GPR37L1: variants seen among roughly 807,000 people sequenced by gnomAD.
GPR37L1 encodes the protein G protein-coupled receptor 37 like 1.
Under a neutral mutation model 18.0 loss-of-function variants are expected in GPR37L1, and 18 were observed. The observed-to-expected ratio is 1.00, with a 90% CI of 0.69 to 1.49. The LOEUF (loss-of-function observed/expected upper bound fraction) is 1.49, where lower values mean the gene tolerates loss of function less well. Ranked by LOEUF, GPR37L1 falls within the 40% of genes most tolerant of loss-of-function variation. GPR37L1 has a pLI of 0.00. For missense variants in GPR37L1, 558 were observed against 615.1 expected (o/e 0.91, Z 0.98); for synonymous variants, 256 against 273.9 (o/e 0.93, Z 0.65).
chr1:202,126,959 C>T (rs1473856106), intron 1 of GPR37L1, among the ~76,000 whole-genome samples: 1 of 151,940 alleles, frequency 6.6e-6, no homozygotes, highest in Non-Finnish European at 1.5e-5. Context: ...AGATCCAGAA[C>T]TTCTATGTCT....
chr1:202,124,368 C>T (rs1007112498), intron 1 of GPR37L1, among the ~76,000 whole-genome samples: 1 of 152,174 alleles, frequency 6.6e-6, no homozygotes, highest in Non-Finnish European at 1.5e-5. Flanking sequence ...ACCAGATGGT[C>T]CTTCCAGCTG....
chr1:202,131,318 C>A lies in GPR37L1; in HGVS notation c.*2762C>A, dbSNP rs1654847941. ...CCTATCCTGGAACTGAATGCAATTACTTAAACTCAGTCTCAGCTTCCTCAT... is the reference window on the plus strand; with the variant it reads ...CCTATCCTGGAACTGAATGCAATTAATTAAACTCAGTCTCAGCTTCCTCAT... On this transcript the variant is annotated 3_prime_UTR_variant, in exon 2 of 2. Coordinates refer to ENST00000367282, the MANE Select transcript of GPR37L1 (RefSeq NM_004767.5). 1 of 152,304 alleles carries A rather than the reference C, an allele frequency of 6.6e-6. No individual in the cohort carries two copies. Among genetic ancestry groups the A allele is most frequent in the Non-Finnish European group, 1.5e-5 (1 of 68,094 alleles). The allele number at this position is 152,304 out of a possible 1,614,324, so 9.4% of individuals were successfully genotyped here.
At position 202,128,299 on chromosome 1, in the gene GPR37L1, C is replaced by T. The variant is rs1168267215; in HGVS notation, c.1189C>T (p.Leu397=). 6.2e-7 allele frequency: 1 copy of T among 1,614,144 alleles called. No individual in the cohort carries two copies. Among genetic ancestry groups the T allele is most frequent in the South Asian group, 1.1e-5 (1 of 91,076 alleles). Residue 397 remains leucine, a synonymous_variant, in exon 2 of 2, where the codon CTG becomes TTG. Coordinates refer to ENST00000367282, the MANE Select transcript of GPR37L1 (RefSeq NM_004767.5). ...GCTGACCCGCCAGACCCTGGACCTCCTGGGCCTCATCAACCAGTTCTCCAC... is the reference window on the plus strand; with the variant it reads ...GCTGACCCGCCAGACCCTGGACCTCTTGGGCCTCATCAACCAGTTCTCCAC... ...TELTRQTLDL[L]GLINQFSTFF...
At position 202,123,180 on chromosome 1, in the gene GPR37L1, C is replaced by T. The variant is rs746759896; in HGVS notation, c.217C>T (p.Pro73Ser). ...GGCGGAGTACCCCCGGCCCATTCAC[C>T]CTGCTGGCCTGCAGCCAACCAAGCC... Reference protein sequence around the residue: ...EWAEYPRPIHPAGLQPTKPLV... With the variant: ...EWAEYPRPIHSAGLQPTKPLV... Residue 73 changes from proline to serine, a missense_variant, in exon 1 of 2, where the codon CCT becomes TCT. Transcript: ENST00000367282. 1.2e-6 allele frequency: 2 copies of T among 1,613,410 alleles called. No homozygotes were observed. The highest frequency in any genetic ancestry group is 1.7e-6 in the Non-Finnish European group (2 of 1,179,694).
chr1:202,126,866 T>TGC (rs1368693268), intron 1 of GPR37L1, among the ~76,000 whole-genome samples: 1 of 151,672 alleles, frequency 6.6e-6, no homozygotes, highest in Non-Finnish European at 1.5e-5. Flanking sequence ...TGTGTGTGTG[T>TGC]GTGCACGCGT....
rs1290607047 is a variant in GPR37L1 at position 202,130,807 on chromosome 1, G to C, written c.*2251G>C. On this transcript the variant is annotated 3_prime_UTR_variant, in exon 2 of 2. Coordinates refer to ENST00000367282, the MANE Select transcript of GPR37L1 (RefSeq NM_004767.5). The stretch of plus-strand genomic sequence containing the variant: ...CCAGCTTCCTAAGGGATGCAGGAAG[G>C]GGCCGGGTGAACTGAGGTGAAGTCC... 1 of 152,280 alleles carries C rather than the reference G, an allele frequency of 6.6e-6. No homozygotes were observed. Among genetic ancestry groups the C allele is most frequent in the Non-Finnish European group, 1.5e-5 (1 of 68,102 alleles). 9.4% of individuals were successfully genotyped at this position (152,280 alleles called of 1,614,324 possible). A position where few individuals can be genotyped will look rare whatever the true frequency, so the allele number is the denominator to read the frequency against.
At position 202,127,815 on chromosome 1, in the gene GPR37L1, C is replaced by T. The variant is rs767987803; in HGVS notation, c.705C>T (p.Thr235=). 6.2e-7 allele frequency: 1 copy of T among 1,613,274 alleles called. No individual in the cohort carries two copies. The highest frequency in any genetic ancestry group is 1.1e-5 in the South Asian group (1 of 90,954). ...ACCGCTTCCACGTGGCCACCAGCACCCTGCCCAAGGTGAGGCCCATCGAGC... is the reference window on the plus strand; with the variant it reads ...ACCGCTTCCACGTGGCCACCAGCACTCTGCCCAAGGTGAGGCCCATCGAGC... ...GIDRFHVATS[T]LPKVRPIERC... is the part of the protein sequence containing the mutation. Residue 235 remains threonine (T), a synonymous_variant, in exon 2 of 2, where the codon ACC becomes ACT. Coordinates refer to ENST00000367282, the MANE Select transcript of GPR37L1 (RefSeq NM_004767.5).
In GPR37L1 at chr1:202,127,428, C is replaced by G. The variant is rs554246466; in HGVS notation, c.631-313C>G. On this transcript the variant is annotated intron_variant, in intron 1 of 1. Coordinates refer to ENST00000367282, the MANE Select transcript of GPR37L1 (RefSeq NM_004767.5). ...CTCCTAGGCTCAAGCCATCCTCCTA[C>G]CTAAGTTTCCCGAGTAGTTGGGACC... Among the ~76,000 whole-genome samples the G allele has an allele frequency of 7.9e-5, 12 of 152,142 alleles. No individual in the cohort carries two copies. In the East Asian group the frequency reaches 2.3e-3, roughly 29 times the overall value.
rs112759412 is a variant in GPR37L1 at position 202,129,768 on chromosome 1, T to C, written c.*1212T>C. On this transcript the variant is annotated 3_prime_UTR_variant, in exon 2 of 2. Transcript: ENST00000367282. ...AGTCCTCATCCTGGCCTAAACCCCA[T>C]GCTCCTTGGGAAGTCAAAAGCCTGG... The C allele has an allele frequency of 3.9e-5, 6 of 152,474 alleles. No individual in the cohort carries two copies. The highest frequency in any genetic ancestry group is 1.4e-4 in the African/African-American group (6 of 41,580). 9.4% of individuals were successfully genotyped at this position (152,474 alleles called of 1,614,324 possible).
intron 1 of GPR37L1, among the ~76,000 whole-genome samples, chr1:202,127,258 A>T (rs1346567248): frequency 6.6e-6 from 1 of 151,332 alleles, no homozygotes; most frequent in South Asian, 2.1e-4. Flanking sequence ...AGTTGTTACC[A>T]TTATTATAAT....
rs2147808536 is a variant in GPR37L1, at chr1:202,132,167, G to C, written c.*3611G>C. The stretch of plus-strand genomic sequence containing the variant: ...AGTGAGGATCACAGGATCTGAGAAA[G>C]GCACCTTGGCCTGGAAACAGCCCCA... On this transcript the variant is annotated 3_prime_UTR_variant, in exon 2 of 2. Transcript: ENST00000367282. 1 of 152,344 alleles carries C rather than the reference G, an allele frequency of 6.6e-6. No individual in the cohort carries two copies. Among genetic ancestry groups the C allele is most frequent in the South Asian group, 2.1e-4 (1 of 4,822 alleles). The allele number at this position is 152,344 out of a possible 1,614,324, so 9.4% of individuals were successfully genotyped here. A position where few individuals can be genotyped will look rare whatever the true frequency, so the allele number is the denominator to read the frequency against.
At position 202,128,205 on chromosome 1, in the gene GPR37L1, C is replaced by T. The variant is rs546889240; in HGVS notation, c.1095C>T (p.Thr365=). 2.4e-5 allele frequency: 38 copies of T among 1,613,792 alleles called. 1 individual carries two copies. Among genetic ancestry groups the T allele is most frequent in the South Asian group, 1.5e-4 (14 of 91,088 alleles). The stretch of plus-strand genomic sequence containing the variant: ...TCAACAGCACCGTGGTGGGCCTGAC[C>T]GTGGTCTACGCCTTCTGCACCCTCC... ...SQLNSTVVGL[T]VVYAFCTLPE... is the part of the protein sequence containing the mutation. Residue 365 remains threonine, a synonymous_variant, in exon 2 of 2, where the codon ACC becomes ACT. Transcript: ENST00000367282.
intron 1 of GPR37L1, among the ~76,000 whole-genome samples, chr1:202,124,894 A>G (rs1038870920): frequency 2.0e-5 from 3 of 152,194 alleles, no homozygotes; most frequent in African/African-American, 7.2e-5. Flanking sequence ...TGCCAGGCAC[A>G]GTGGCTCATG....
chr1:202,126,995 A>AT (rs1193143542), intron 1 of GPR37L1, among the ~76,000 whole-genome samples: 1 of 151,994 alleles, frequency 6.6e-6, no homozygotes, highest in African/African-American at 2.4e-5. Flanking sequence ...CTTGGAGATG[A>AT]TTTTCCAAAG....
At position 202,128,356 on chromosome 1, in the gene GPR37L1, C is replaced by T. The variant is rs769001087; in HGVS notation, c.1246C>T (p.Leu416Phe). 1 of 1,614,248 alleles carries T rather than the reference C, an allele frequency of 6.2e-7. No homozygotes were observed. The highest frequency in any genetic ancestry group is 2.2e-5 in the East Asian group (1 of 44,884). The change falls in exon 2 of 2, where the codon CTC becomes TTC. Residue 416 changes from leucine (L) to phenylalanine (F), a missense_variant. By Grantham distance (22) the Leu-to-Phe change is conservative (BLOSUM62 0). Coordinates refer to ENST00000367282, the MANE Select transcript of GPR37L1 (RefSeq NM_004767.5). ...CAAGGGCGCCATCACCCCAGTGCTG[C>T]TCCTTTGCATCTGCAGGCCGCTGGG... ...FFKGAITPVL[L>F]LCICRPLGQA...
Position 202,123,197 on chromosome 1 carries a change from A to C in GPR37L1, c.234A>C (p.Pro78=), listed in dbSNP as rs2147803387. Reference sequence around the variant, plus strand: ...CCATTCACCCTGCTGGCCTGCAGCCAACCAAGCCCTTGGTGGCCACCAGCC... The same window carrying C: ...CCATTCACCCTGCTGGCCTGCAGCCCACCAAGCCCTTGGTGGCCACCAGCC... The part of the protein sequence containing the change: ...PRPIHPAGLQ[P]TKPLVATSPN... The change falls in exon 1 of 2, where the codon CCA becomes CCC. Residue 78 remains proline (P), a synonymous_variant. Transcript: ENST00000367282. 1 of 1,613,718 alleles carries C rather than the reference A, an allele frequency of 6.2e-7. No individual in the cohort carries two copies. Among genetic ancestry groups the C allele is most frequent in the Non-Finnish European group, 8.5e-7 (1 of 1,179,852 alleles).
At position 202,123,373 on chromosome 1, in the gene GPR37L1, C is replaced by T. The variant is rs558628333; in HGVS notation, c.410C>T (p.Ala137Val). ...SYSAYAIMLL[A>V]LVVFAVGIVG... ...AGTGCCTATGCCATCATGCTTCTGG[C>T]GCTGGTGGTGTTTGCGGTGGGCATT... Residue 137 changes from alanine (A) to valine (V), a missense_variant, in exon 1 of 2, where the codon GCG (alanine) becomes GTG (valine). Transcript: ENST00000367282. 7 of 1,614,122 alleles carry T rather than the reference C, an allele frequency of 4.3e-6. No homozygotes were observed. Among genetic ancestry groups the T allele is most frequent in the African/African-American group, 2.7e-5 (2 of 75,038 alleles).
Position 202,126,838 on chromosome 1 carries a change from C to CGTGCGTGTGTGTGTGTGTGT in GPR37L1, c.631-900_631-899insCGTGTGTGTGTGTGTGTGTG, listed in dbSNP as rs1553315417. ...GGACAGGGCCAGGAGCAGAAACGTG[C>CGTGCGTGTGTGTGTGTGTGT]GTGTGTGTGTGTGTGTGTGTGTGTG... On this transcript the variant is annotated intron_variant, in intron 1 of 1. Coordinates refer to ENST00000367282, the MANE Select transcript of GPR37L1 (RefSeq NM_004767.5). 1.4e-3 allele frequency among the ~76,000 whole-genome samples: 211 copies of CGTGCGTGTGTGTGTGTGTGT among 146,442 alleles called. 2 individuals carry two copies. The highest frequency in any genetic ancestry group is 5.1e-3 in the African/African-American group (204 of 39,642).
At position 202,123,584 on chromosome 1, in the gene GPR37L1, C is replaced by T. The variant is rs142090957; in HGVS notation, c.621C>T (p.Pro207=). 1.8e-5 allele frequency: 28 copies of T among 1,582,448 alleles called. No individual in the cohort carries two copies. The African/African-American group carries it at 3.6e-4, about 21-fold the overall frequency. The change falls in exon 1 of 2, where the codon CCC becomes CCT. Residue 207 remains proline, a synonymous_variant. Coordinates refer to ENST00000367282, the MANE Select transcript of GPR37L1 (RefSeq NM_004767.5). ...GTGACGTTTCTTGTCGTGCCGTGCCCTTCATGGAGGTGAGTGTGTGTTCTG... is the reference window on the plus strand; with the variant it reads ...GTGACGTTTCTTGTCGTGCCGTGCCTTTCATGGAGGTGAGTGTGTGTTCTG... ...LLGDVSCRAV[P]FMEVSSLGVT...
Sources: gnomAD v4.1 joint callset for allele counts (sites outside exome capture counted in the v4.1 genomes callset) on GRCh38, gnomAD v4.1.1 for gene constraint, MANE v1.5 for transcripts, NCBI Gene and HGNC (gene_info 2026-07-23, HGNC 2026-07-21) for gene names.